The following NAV2 variants were observed in gnomAD, a reference collection of about 807,000 sequenced individuals.
NAV2 encodes the protein helicase, APC down-regulated 1.
Under a neutral mutation model 223.2 loss-of-function variants are expected in NAV2, and 54 were observed. The ratio of observed to expected loss-of-function variants is 0.24; its 90% CI spans 0.19 to 0.30. The LOEUF (loss-of-function observed/expected upper bound fraction) is 0.30, where lower values mean the gene tolerates loss of function less well. Among genes scored for constraint, NAV2 ranks in the 10% least tolerant of loss-of-function variants. The pLI is 1.00. For synonymous variants in NAV2, 1,279 were observed against 1,239.3 expected, an observed-to-expected ratio of 1.03 and a Z score of -0.67; for missense variants, 2,806 against 3,147.5, an observed-to-expected ratio of 0.89 and a Z score of 2.60.
intron 4 of NAV2, among the ~76,000 whole-genome samples, chr11:19,870,100 C>T (rs1430498704): frequency 6.6e-6 from 1 of 152,142 alleles, no homozygotes; most frequent in East Asian, 1.9e-4. Context: ...GGACCTGTTC[C>T]CAGTCAGGCA....
At chr11:19,802,022 G>C (rs7943850) in intron 1 of NAV2, among the ~76,000 whole-genome samples, 3,545 of 152,254 alleles carry the variant, frequency 0.023, 95 homozygotes, top group African/African-American at 0.065. Context: ...CCAAAGCTTT[G>C]TTCTATGAAG....
At chr11:19,762,612 T>C (rs938526473) in intron 1 of NAV2, among the ~76,000 whole-genome samples, 3 of 57,218 alleles carry the variant, frequency 5.2e-5, no homozygotes, top group African/African-American at 1.1e-4. Flanking sequence ...AGAAGTCTTC[T>C]TTTTTTTTTT....
intron 11 of NAV2, among the ~76,000 whole-genome samples, chr11:20,029,579 C>A (rs2055493361): frequency 6.6e-6 from 1 of 152,178 alleles, no homozygotes; most frequent in African/African-American, 2.4e-5. Context: ...GTTATGTCTA[C>A]TGGATCTATG....
chr11:19,393,895 G>GTTTTTT (rs5790072), intron 1 of NAV2, among the ~76,000 whole-genome samples: 24 of 136,060 alleles, frequency 1.8e-4, no homozygotes, highest in Middle Eastern at 3.8e-3. Flanking sequence ...TAACTTAAGG[G>GTTTTTT]TTTTTTTTTT....
At chr11:19,650,963 C>T (rs1051051155) in intron 1 of NAV2, among the ~76,000 whole-genome samples, 2 of 152,144 alleles carry the variant, frequency 1.3e-5, no homozygotes, top group Admixed American at 1.3e-4. Flanking sequence ...AGAAGTATCT[C>T]ATTTATAAAA....
intron 11 of NAV2, among the ~76,000 whole-genome samples, chr11:20,020,034 G>A (rs1441303484): frequency 3.3e-5 from 5 of 151,726 alleles, no homozygotes; most frequent in Non-Finnish European, 5.9e-5. Flanking sequence ...GATGAGATTA[G>A]TGATATATTT....
intron 1 of NAV2, among the ~76,000 whole-genome samples, chr11:19,602,548 G>A (rs1485950216): frequency 6.6e-6 from 1 of 152,236 alleles, no homozygotes; most frequent in South Asian, 2.1e-4. Flanking sequence ...CACAAACTTG[G>A]TGACTTAAGA....
chr11:19,489,858 A>G (rs2042566171), intron 1 of NAV2, among the ~76,000 whole-genome samples: 1 of 152,198 alleles, frequency 6.6e-6, no homozygotes, highest in African/African-American at 2.4e-5. Flanking sequence ...GCTGGGATAT[A>G]CATTCTTCTT....
At chr11:19,417,443 C>T (rs1234760022) in intron 1 of NAV2, among the ~76,000 whole-genome samples, 1 of 152,138 alleles carries the variant, frequency 6.6e-6, no homozygotes, top group African/African-American at 2.4e-5. Flanking sequence ...AGTCAGGAAA[C>T]AACAGATGCT....
chr11:20,109,026 A>C (rs373672086), intron 36 of NAV2, among the ~76,000 whole-genome samples: 1 of 152,192 alleles, frequency 6.6e-6, no homozygotes, highest in African/African-American at 2.4e-5. Flanking sequence ...TGGAGGGTGC[A>C]GGGACTGGTG....
chr11:19,411,025 C>A (rs971159162), intron 1 of NAV2, among the ~76,000 whole-genome samples: 2 of 152,100 alleles, frequency 1.3e-5, no homozygotes, highest in Non-Finnish European at 2.9e-5. Context: ...CCCCTATCTC[C>A]CTTTTCTTTT....
chr11:19,963,187 C>A (rs1397226972), intron 10 of NAV2, among the ~76,000 whole-genome samples: 5 of 152,190 alleles, frequency 3.3e-5, no homozygotes, highest in Non-Finnish European at 7.3e-5. Flanking sequence ...GTGCTAGGCA[C>A]TGTGTTGAGC....
At chr11:19,628,552 T>G (rs949673442) in intron 1 of NAV2, among the ~76,000 whole-genome samples, 2 of 152,158 alleles carry the variant, frequency 1.3e-5, no homozygotes, top group Non-Finnish European at 2.9e-5. Context: ...GCATCCACGC[T>G]CACGTGGCCA....
rs115966133 is a variant in NAV2 at position 19,632,926 on chromosome 11, A to G, written c.76-199558A>G. On this transcript the variant is annotated intron_variant, in intron 1 of 37. Coordinates refer to the NAV2 transcript ENST00000360655. ...TGTTATTAGTCCCACTTCACAGACA[A>G]AGAAACTGAAGCCCAAAGAGTTTGT... Among the ~76,000 whole-genome samples the G allele has an allele frequency of 1.9e-3, 283 of 152,332 alleles. 1 individual carries two copies. The highest frequency in any genetic ancestry group is 6.6e-3 in the African/African-American group (274 of 41,576).
upstream of NAV2, among the ~76,000 whole-genome samples, chr11:19,348,718 T>C (rs1853131538): frequency 6.6e-6 from 1 of 152,190 alleles, no homozygotes; most frequent in Middle Eastern, 3.2e-3. Flanking sequence ...ACCTATTCTG[T>C]GTTAATAGGT....
intron 6 of NAV2, among the ~76,000 whole-genome samples, chr11:19,898,761 A>G (rs10833188): frequency 0.42 from 63,230 of 152,126 alleles, 15,757 homozygotes; most frequent in Non-Finnish European, 0.55. Context: ...ACCTATTTAT[A>G]TACCCATCAA....
At chr11:19,454,912 T>C (rs542963382) in intron 1 of NAV2, among the ~76,000 whole-genome samples, 1 of 152,242 alleles carries the variant, frequency 6.6e-6, no homozygotes, top group South Asian at 2.1e-4. Context: ...GTCCTGTGGC[T>C]AAAACAGTGG....
chr11:19,650,895 A>G (rs2047952005), intron 1 of NAV2, among the ~76,000 whole-genome samples: 1 of 152,264 alleles, frequency 6.6e-6, no homozygotes, highest in Non-Finnish European at 1.5e-5. Context: ...GACGGAAAAC[A>G]GAAAGTAGAG....
At chr11:19,656,226 G>A (rs1216151600) in intron 1 of NAV2, among the ~76,000 whole-genome samples, 2 of 152,188 alleles carry the variant, frequency 1.3e-5, no homozygotes, top group Non-Finnish European at 2.9e-5. Context: ...ACCATTACCA[G>A]GGAGAAGAGC....
Sources: allele counts gnomAD v4.1 joint callset (sites outside exome capture counted in the v4.1 genomes callset), GRCh38; gene constraint gnomAD v4.1.1; transcripts MANE v1.5; gene names NCBI Gene and HGNC (gene_info 2026-07-23, HGNC 2026-07-21).